Variants in ACSM5 observed in about 807,000 individuals in gnomAD.
ACSM5 encodes acyl-CoA synthetase medium chain family member 5.
A neutral mutation model predicts 71.6 loss-of-function variants in ACSM5; 56 were observed. The ratio of observed to expected loss-of-function variants is 0.78; its 90% CI spans 0.63 to 0.98. The LOEUF is 0.98. Among genes scored for constraint, ACSM5 ranks in the 50% least tolerant of loss-of-function variants. The pLI, the probability that ACSM5 is intolerant of heterozygous loss-of-function variation, is 0.00. For synonymous variants in ACSM5, 285 were observed against 281.5 expected, an observed-to-expected ratio of 1.01 and a Z score of -0.12; for missense variants, 723 against 726.0, an observed-to-expected ratio of 1.00 and a Z score of 0.05.
At chr16:20,430,455 TTA>T (rs1340178850) in intron 8 of ACSM5, among the ~76,000 whole-genome samples, 1 of 151,994 alleles carries the variant, frequency 6.6e-6, no homozygotes, top group African/African-American at 2.4e-5. Context: ...GTTAAGTTCT[TTA>T]TGTTTGAGTG....
chr16:20,426,083 C>G (rs1263155665), intron 6 of ACSM5, among the ~76,000 whole-genome samples: 1 of 152,108 alleles, frequency 6.6e-6, no homozygotes, highest in Non-Finnish European at 1.5e-5. Context: ...TGCATCCATG[C>G]CAACATCTAT....
At chr16:20,411,080 TG>T (rs1966846789) in intron 1 of ACSM5, among the ~76,000 whole-genome samples, 1 of 152,222 alleles carries the variant, frequency 6.6e-6, no homozygotes, top group African/African-American at 2.4e-5. Flanking sequence ...ACTAGAACAT[TG>T]TAAATTGCAC....
In ACSM5 at chr16:20,421,236, C is replaced by G. The variant is rs534557170; in HGVS notation, c.624-22C>G. On this transcript the variant is annotated intron_variant, in intron 4 of 13. Coordinates refer to ENST00000331849, the MANE Select transcript of ACSM5 (RefSeq NM_017888.3). Reference sequence around the variant, plus strand: ...ACTGTTTTTACCGTGGTAGTGCCACCTAGTGTATTTACGTTTTACAGGGAG... The same window carrying G: ...ACTGTTTTTACCGTGGTAGTGCCACGTAGTGTATTTACGTTTTACAGGGAG... 3 of 1,546,424 alleles carry G rather than the reference C, an allele frequency of 1.9e-6. No homozygotes were observed. In the South Asian group the frequency reaches 3.6e-5, roughly 18 times the overall value.
rs1359979094 is a variant in ACSM5 at position 20,431,230 on chromosome 16, A to G, written c.1217A>G (p.Asp406Gly). Residue 406 changes from aspartate (D) to glycine (G), a missense_variant, in exon 10 of 14, where the codon GAT becomes GGT. Physicochemically the swap from Asp to Gly is moderately conservative, Grantham distance 94. Transcript: ENST00000331849. ...TGATTTCCTTACCAGATTGTGGATG[A>G]TGAGGGCAACGTCCTGCCTCCTGGA... The part of the protein sequence containing the change: ...SPPYDVQIVD[D>G]EGNVLPPGEE... 4 of 1,614,040 alleles carry G rather than the reference A, an allele frequency of 2.5e-6. No individual in the cohort carries two copies. The highest frequency in any genetic ancestry group is 1.3e-5 in the African/African-American group (1 of 75,062).
intron 3 of ACSM5, 37 bp downstream of exon 3, chr16:20,418,306 G>C (rs1406788959): frequency 1.3e-6 from 2 of 1,572,404 alleles, no homozygotes; most frequent in African/African-American, 2.7e-5. Context: ...GTTGGGGGCA[G>C]ACACAACTTG....
At chr16:20,422,466 C>A (rs1966898590) in intron 5 of ACSM5, among the ~76,000 whole-genome samples, 1 of 152,188 alleles carries the variant, frequency 6.6e-6, no homozygotes, top group Non-Finnish European at 1.5e-5. Context: ...GTAGCTTCCA[C>A]ATTTTGGCTA....
At chr16:20,422,493 T>C (rs1966899030) in intron 5 of ACSM5, among the ~76,000 whole-genome samples, 2 of 152,250 alleles carry the variant, frequency 1.3e-5, no homozygotes, top group African/African-American at 4.8e-5. Context: ...ATAATGTTGC[T>C]ATAAACACTG....
chr16:20,426,078 C>A (rs1460503830), intron 6 of ACSM5, among the ~76,000 whole-genome samples: 1 of 152,164 alleles, frequency 6.6e-6, no homozygotes, highest in Non-Finnish European at 1.5e-5. Context: ...TTCACTGCAT[C>A]CATGCCAACA....
Position 20,436,573 on chromosome 16 carries a change from G to A in ACSM5, c.1309-479G>A, listed in dbSNP as rs552326661. On this transcript the variant is annotated intron_variant, in intron 10 of 13. Coordinates refer to ENST00000331849, the MANE Select transcript of ACSM5 (RefSeq NM_017888.3). The stretch of plus-strand genomic sequence containing the variant: ...TTTAGTAGAGACAGGTTTTCACTAT[G>A]TTGGCCAGCTGGTCTCGAATTCCAG... Among the ~76,000 whole-genome samples, 1,102 of 152,116 alleles carry A rather than the reference G, an allele frequency of 7.2e-3. 14 individuals carry two copies. Among genetic ancestry groups the A allele is most frequent in the Non-Finnish European group, 0.011 (718 of 67,968 alleles).
In ACSM5 at chr16:20,424,563, C is replaced by T. The variant is rs1966940962; in HGVS notation, c.921+494C>T. On this transcript the variant is annotated intron_variant, in intron 6 of 13. Coordinates refer to ENST00000331849, the MANE Select transcript of ACSM5 (RefSeq NM_017888.3). ...CTTCCACCCCCCACATCCTGTCATT[C>T]CTTAAAATGTCAGAGGACACTTCTG... is the stretch of plus-strand genomic sequence containing the variant. Among the ~76,000 whole-genome samples, 3 of 152,286 alleles carry T rather than the reference C, an allele frequency of 2.0e-5. No individual in the cohort carries two copies. In the South Asian group the frequency reaches 6.2e-4, roughly 32 times the overall value.
intron 10 of ACSM5, among the ~76,000 whole-genome samples, chr16:20,434,071 T>A (rs1967150015): frequency 6.6e-6 from 1 of 152,182 alleles, no homozygotes; most frequent in Non-Finnish European, 1.5e-5. Context: ...TCTTTTCACT[T>A]TCTTTCACTT....
chr16:20,425,707 A>G (rs886084086), intron 6 of ACSM5, among the ~76,000 whole-genome samples: 2 of 152,132 alleles, frequency 1.3e-5, no homozygotes, highest in Non-Finnish European at 2.9e-5. Flanking sequence ...GAGTTACTTT[A>G]CTTAGAATAA....
chr16:20,423,194 G>C (rs1366744974), intron 5 of ACSM5, among the ~76,000 whole-genome samples: 3 of 152,220 alleles, frequency 2.0e-5, no homozygotes, highest in Admixed American at 1.3e-4. Context: ...TTTCTGCACT[G>C]AAGGGGAAGA....
At position 20,423,993 on chromosome 16, in the gene ACSM5, T is replaced by C. The variant is rs773126951; in HGVS notation, c.845T>C (p.Leu282Pro). ...GGCTGGGTGAAGGCAGCCTGGACTC[T>C]CTTCTCTGCCTGGCCTAATGGATCT... ...DTGWVKAAWT[L>P]FSAWPNGSCI... The change falls in exon 6 of 14, where the codon CTC (leucine) becomes CCC (proline). Residue 282 changes from leucine (L) to proline (P), a missense_variant. Coordinates refer to ENST00000331849, the MANE Select transcript of ACSM5 (RefSeq NM_017888.3). The C allele has an allele frequency of 2.2e-5, 35 of 1,614,182 alleles. No homozygotes were observed. In the South Asian group the frequency reaches 3.5e-4, roughly 16 times the overall value.
chr16:20,424,457 G>A (rs1369027799), intron 6 of ACSM5, among the ~76,000 whole-genome samples: 1 of 152,142 alleles, frequency 6.6e-6, no homozygotes, highest in African/African-American at 2.4e-5. Flanking sequence ...GAGAGTCCTG[G>A]TGACTCCTGC....
At chr16:20,418,370 A>T in intron 3 of ACSM5, 101 bp downstream of exon 3, 1 of 1,194,634 alleles carries the variant, frequency 8.4e-7, no homozygotes, top group Non-Finnish European at 1.2e-6. Context: ...AATAAACTGT[A>T]TGTGGAGTTG....
chr16:20,415,480 A>G (rs1280230178), intron 2 of ACSM5, among the ~76,000 whole-genome samples: 2 of 152,238 alleles, frequency 1.3e-5, no homozygotes, highest in Admixed American at 6.5e-5. Flanking sequence ...ACTGAGACAT[A>G]CATGAGAGAA....
chr16:20,435,613 C>T lies in ACSM5; in HGVS notation c.1309-1439C>T, dbSNP rs1452192422. Among the ~76,000 whole-genome samples the T allele has an allele frequency of 2.6e-5, 4 of 152,212 alleles. No homozygotes were observed. In the East Asian group the frequency reaches 7.7e-4, roughly 29 times the overall value. ...GAACATTTTTCACTCCCTTGACAGG[C>T]AATCCTCTCCACTCCAGACCCAGCG... On this transcript the variant is annotated intron_variant, in intron 10 of 13. Transcript: ENST00000331849.
chr16:20,416,452 G>C (rs908592051), intron 2 of ACSM5, among the ~76,000 whole-genome samples: 1 of 152,072 alleles, frequency 6.6e-6, no homozygotes, highest in African/African-American at 2.4e-5. Flanking sequence ...TTTTCAACAA[G>C]GGTACCAAGA....
Sources: allele counts gnomAD v4.1 joint callset (sites outside exome capture counted in the v4.1 genomes callset), GRCh38; gene constraint gnomAD v4.1.1; transcripts MANE v1.5; gene names NCBI Gene and HGNC (gene_info 2026-07-23, HGNC 2026-07-21).